The following CAMK1D variants were observed in gnomAD, a reference collection of about 807,000 sequenced individuals.
The protein encoded by CAMK1D is calcium/calmodulin-dependent protein kinase type 1D.
In CAMK1D, 9 loss-of-function variants were observed where a neutral mutation model predicts 47.7. The observed-to-expected ratio is 0.19, with a 90% confidence interval of 0.11 to 0.33. The LOEUF is 0.33. CAMK1D is among the 10% of genes least tolerant of loss of function. CAMK1D has a pLI of 1.00. For synonymous variants in CAMK1D, 184 were observed against 184.9 expected, an observed-to-expected ratio of 0.99 and a Z score of 0.04; for missense variants, 291 against 488.7, an observed-to-expected ratio of 0.60 and a Z score of 3.81.
chr10:12,488,210 C>A (rs1276649906), intron 1 of CAMK1D, among the ~76,000 whole-genome samples: 3 of 152,078 alleles, frequency 2.0e-5, no homozygotes, highest in African/African-American at 7.3e-5. Context: ...AGGATGGAGG[C>A]CTTCCAAGCC....
intron 3 of CAMK1D, among the ~76,000 whole-genome samples, chr10:12,714,136 A>T (rs1834031549): frequency 6.6e-6 from 1 of 152,164 alleles, no homozygotes; most frequent in Non-Finnish European, 1.5e-5. Flanking sequence ...GGTCCTGTGG[A>T]GGGGCTGCTG....
chr10:12,543,080 C>T (rs1311595200), intron 1 of CAMK1D, among the ~76,000 whole-genome samples: 1 of 152,080 alleles, frequency 6.6e-6, no homozygotes, highest in Non-Finnish European at 1.5e-5. Context: ...TGGAGTCTTG[C>T]TCTGTCACCC....
intron 3 of CAMK1D, among the ~76,000 whole-genome samples, chr10:12,754,081 G>T (rs931361056): frequency 1.3e-5 from 2 of 151,950 alleles, no homozygotes; most frequent in African/African-American, 4.8e-5. Flanking sequence ...AGTAGAGATG[G>T]GATTTCACCA....
intron 1 of CAMK1D, among the ~76,000 whole-genome samples, chr10:12,515,626 T>C (rs1055859998): frequency 6.7e-5 from 8 of 119,062 alleles, no homozygotes; most frequent in South Asian, 3.1e-4. Flanking sequence ...TTTTTTTTTT[T>C]TGAGACAGAG....
At chr10:12,730,396 A>G (rs1834836641) in intron 3 of CAMK1D, among the ~76,000 whole-genome samples, 1 of 152,158 alleles carries the variant, frequency 6.6e-6, no homozygotes, top group South Asian at 2.1e-4. Flanking sequence ...GAAGATCAGG[A>G]TTTCATTCTT....
At chr10:12,653,320 T>G (rs1008506132) in intron 2 of CAMK1D, 1 of 152,696 alleles carries the variant, frequency 6.5e-6, no homozygotes, top group African/African-American at 2.4e-5. Flanking sequence ...CATTTCAGTG[T>G]GAGTTTTGGA....
At chr10:12,381,475 A>G (rs1033423867) in intron 1 of CAMK1D, among the ~76,000 whole-genome samples, 6 of 151,414 alleles carry the variant, frequency 4.0e-5, no homozygotes, top group African/African-American at 1.5e-4. Flanking sequence ...AGCTGGGATT[A>G]CAGGCGCATG....
At position 12,554,963 on chromosome 10, in the gene CAMK1D, G is replaced by A. The variant is rs561176552; in HGVS notation, c.224+1607G>A. Among the ~76,000 whole-genome samples, 13 of 152,270 alleles carry A rather than the reference G, an allele frequency of 8.5e-5. No individual in the cohort carries two copies. The East Asian group carries it at 2.5e-3, about 29-fold the overall frequency. On this transcript the variant is annotated intron_variant, in intron 2 of 10. Transcript: ENST00000619168. ...ATTGCCCCGTCATCTCCAAAGGTTT[G>A]GGGGAACAAGCCCTTGTATGGTACC...
At chr10:12,631,847 GAGGAA>G (rs1268048538) in intron 2 of CAMK1D, among the ~76,000 whole-genome samples, 2 of 152,318 alleles carry the variant, frequency 1.3e-5, no homozygotes, top group East Asian at 3.9e-4. Context: ...GATAGAGCGT[GAGGAA>G]AGCACTTTCC....
chr10:12,524,253 C>CT (rs1370915545), intron 1 of CAMK1D, among the ~76,000 whole-genome samples: 2 of 152,170 alleles, frequency 1.3e-5, no homozygotes, highest in East Asian at 3.9e-4. Context: ...GCGTGAGCCA[C>CT]TGCACCTGGC....
At chr10:12,796,391 C>T (rs1268068143) in intron 6 of CAMK1D, among the ~76,000 whole-genome samples, 1 of 152,190 alleles carries the variant, frequency 6.6e-6, no homozygotes, top group African/African-American at 2.4e-5. Context: ...TTAAAATTTA[C>T]TCACATAAAT....
chr10:12,477,873 A>C (rs1317348979), intron 1 of CAMK1D, among the ~76,000 whole-genome samples: 1 of 152,162 alleles, frequency 6.6e-6, no homozygotes, highest in East Asian at 1.9e-4. Flanking sequence ...GTTGGATCCC[A>C]TGGAATCCCG....
chr10:12,801,254 CATCCATCT>C (rs750454795), intron 6 of CAMK1D, among the ~76,000 whole-genome samples: 3 of 147,996 alleles, frequency 2.0e-5, no homozygotes, highest in African/African-American at 7.5e-5. Flanking sequence ...TCCATCCATC[CATCCATCT>C]GTCCGTCCAT....
intron 2 of CAMK1D, among the ~76,000 whole-genome samples, chr10:12,609,805 A>T (rs1838569616): frequency 6.6e-6 from 1 of 152,154 alleles, no homozygotes; most frequent in Non-Finnish European, 1.5e-5. Context: ...CCCTGAGAAC[A>T]TGTGTTTAGA....
chr10:12,784,016 A>C lies in CAMK1D; in HGVS notation c.566-7142A>C, dbSNP rs3802561. Reference sequence around the variant, plus strand: ...GTGGTTTACATGGAGCTTAACTTTTATTTACTGGTGTAAACTTGATAAGCC... The same window carrying C: ...GTGGTTTACATGGAGCTTAACTTTTCTTTACTGGTGTAAACTTGATAAGCC... On this transcript the variant is annotated intron_variant, in intron 5 of 10. Coordinates refer to ENST00000619168, the MANE Select transcript of CAMK1D (RefSeq NM_153498.4). 4.1e-4 allele frequency among the ~76,000 whole-genome samples: 62 copies of C among 152,192 alleles called. 1 individual carries two copies. In the East Asian group the frequency reaches 9.7e-3, roughly 24 times the overall value.
intron 3 of CAMK1D, among the ~76,000 whole-genome samples, chr10:12,757,912 C>T (rs1368967154): frequency 7.4e-6 from 1 of 135,890 alleles, no homozygotes; most frequent in Non-Finnish European, 1.5e-5. Flanking sequence ...AGTGCAATGG[C>T]ATGATCTCGG....
chr10:12,502,461 C>T (rs553969074), intron 1 of CAMK1D, among the ~76,000 whole-genome samples: 4 of 152,228 alleles, frequency 2.6e-5, no homozygotes, highest in South Asian at 2.1e-4. Flanking sequence ...GGTCCTCGGC[C>T]GCAGGACCTG....
intron 5 of CAMK1D, among the ~76,000 whole-genome samples, chr10:12,779,556 C>T (rs968818834): frequency 6.6e-6 from 1 of 152,096 alleles, no homozygotes; most frequent in African/African-American, 2.4e-5. Context: ...CAGCCTCCTG[C>T]AGAGCTGGGA....
intron 2 of CAMK1D, among the ~76,000 whole-genome samples, chr10:12,587,201 G>T (rs1216709361): frequency 6.6e-6 from 1 of 152,174 alleles, no homozygotes; most frequent in Non-Finnish European, 1.5e-5. Flanking sequence ...TGTTAAGAGA[G>T]GTTGTGATGG....
Sources: allele counts gnomAD v4.1 joint callset (sites outside exome capture counted in the v4.1 genomes callset), GRCh38; gene constraint gnomAD v4.1.1; transcripts MANE v1.5; gene names NCBI Gene and HGNC (gene_info 2026-07-23, HGNC 2026-07-21).